ZNF804B: variants seen among roughly 807,000 people sequenced by gnomAD.
The protein encoded by ZNF804B is zinc finger protein 804B, also known as zinc finger 804B.
In ZNF804B, 80 loss-of-function variants were observed where a neutral mutation model predicts 101.4. That is an observed-to-expected ratio of 0.79 (90% CI 0.66 to 0.95). ZNF804B has a LOEUF of 0.95. ZNF804B is among the 40% of genes least tolerant of loss of function. The pLI, the probability that ZNF804B is intolerant of heterozygous loss-of-function variation, is 0.00. For missense variants in ZNF804B, 1,673 were observed against 1,561.9 expected (o/e 1.07, Z -1.20); for synonymous variants, 622 against 558.8 (o/e 1.11, Z -1.59).
intron 1 of ZNF804B, among the ~76,000 whole-genome samples, chr7:89,194,713 T>C (rs13240561): frequency 0.24 from 36,206 of 149,046 alleles, 4,596 homozygotes; most frequent in Non-Finnish European, 0.28. Flanking sequence ...TTGGTTACTG[T>C]AGCCTTGTAG....
intron 1 of ZNF804B, among the ~76,000 whole-genome samples, chr7:88,795,236 T>C (rs887509075): frequency 3.9e-5 from 6 of 152,166 alleles, no homozygotes; most frequent in Admixed American, 3.3e-4. Flanking sequence ...GAAAAAACTT[T>C]GTAAATGTCA....
chr7:89,266,877 T>TTG (rs66604616), intron 2 of ZNF804B, among the ~76,000 whole-genome samples: 26 of 150,984 alleles, frequency 1.7e-4, no homozygotes, highest in African/African-American at 5.4e-4. Flanking sequence ...GTGTCTGTGT[T>TTG]TGTGTGTGTG....
At chr7:89,168,336 C>CTATATATG (rs1468708721) in intron 1 of ZNF804B, among the ~76,000 whole-genome samples, 1 of 148,260 alleles carries the variant, frequency 6.7e-6, no homozygotes, top group Non-Finnish European at 1.5e-5. Flanking sequence ...ATATATATAT[C>CTATATATG]TATATATGTA....
At chr7:88,937,085 A>G (rs1792983298) in intron 1 of ZNF804B, among the ~76,000 whole-genome samples, 2 of 149,888 alleles carry the variant, frequency 1.3e-5, no homozygotes. Context: ...CCCCAAACAC[A>G]TAAATGCTTT....
chr7:89,337,607 A>T lies in ZNF804B; in HGVS notation c.*575A>T, dbSNP rs753371856. Among the ~76,000 whole-genome samples, 65 of 152,286 alleles carry T rather than the reference A, an allele frequency of 4.3e-4. No homozygotes were observed. Among genetic ancestry groups the T allele is most frequent in the Admixed American group, 9.8e-4 (15 of 15,288 alleles). On this transcript the variant is annotated 3_prime_UTR_variant, in exon 4 of 4. Transcript: ENST00000333190. The stretch of plus-strand genomic sequence containing the variant: ...GTTGAAAATTACATTTTAATGAAAA[A>T]CAATCTTTATAGATTATACTTTTGA...
chr7:88,793,878 T>C (rs1206571013), intron 1 of ZNF804B, among the ~76,000 whole-genome samples: 2 of 152,114 alleles, frequency 1.3e-5, no homozygotes, highest in Non-Finnish European at 2.9e-5. Flanking sequence ...TCCGTTTGTC[T>C]TTTTTCAGCC....
At chr7:89,189,338 A>G (rs1374796835) in intron 1 of ZNF804B, among the ~76,000 whole-genome samples, 1 of 152,098 alleles carries the variant, frequency 6.6e-6, no homozygotes, top group Non-Finnish European at 1.5e-5. Context: ...TCTGATGAAG[A>G]TGTATAAGGA....
chr7:88,838,715 ACT>A (rs1423369358), intron 1 of ZNF804B, among the ~76,000 whole-genome samples: 1 of 151,660 alleles, frequency 6.6e-6, no homozygotes, highest in Non-Finnish European at 1.5e-5. Context: ...AACCCTGTAA[ACT>A]CTTTGTGCCT....
intron 2 of ZNF804B, among the ~76,000 whole-genome samples, chr7:89,278,978 C>T (rs981047775): frequency 1.3e-5 from 2 of 152,072 alleles, no homozygotes; most frequent in African/African-American, 4.8e-5. Flanking sequence ...TCTTCCTATC[C>T]ATGAGCATGG....
intron 1 of ZNF804B, among the ~76,000 whole-genome samples, chr7:88,764,336 C>T (rs1026694928): frequency 2.0e-5 from 3 of 152,152 alleles, no homozygotes; most frequent in African/African-American, 7.2e-5. Flanking sequence ...CATAGTTAGA[C>T]ATCCTGGAAT....
intron 1 of ZNF804B, among the ~76,000 whole-genome samples, chr7:89,113,015 T>A (rs964957879): frequency 6.6e-6 from 1 of 152,202 alleles, no homozygotes; most frequent in African/African-American, 2.4e-5. Flanking sequence ...AACATACATA[T>A]AATTTATTGC....
At chr7:88,927,381 G>T (rs1360520474) in intron 1 of ZNF804B, among the ~76,000 whole-genome samples, 1 of 152,136 alleles carries the variant, frequency 6.6e-6, no homozygotes, top group South Asian at 2.1e-4. Flanking sequence ...ATTGTGGTTT[G>T]ATCTGAGAGG....
chr7:88,877,675 A>T (rs1791973679), intron 1 of ZNF804B, among the ~76,000 whole-genome samples: 2 of 152,284 alleles, frequency 1.3e-5, no homozygotes, highest in African/African-American at 2.4e-5. Flanking sequence ...TACCTCATAG[A>T]GTGAGTAGAA....
At chr7:88,885,253 A>G (rs1369389865) in intron 1 of ZNF804B, among the ~76,000 whole-genome samples, 4 of 151,842 alleles carry the variant, frequency 2.6e-5, no homozygotes, top group African/African-American at 9.7e-5. Context: ...TTTGCATAAA[A>G]ATGTCCTTTG....
chr7:88,995,610 T>A (rs1464936099), intron 1 of ZNF804B, among the ~76,000 whole-genome samples: 1 of 151,924 alleles, frequency 6.6e-6, no homozygotes, highest in East Asian at 1.9e-4. Flanking sequence ...GGCTAGAGTC[T>A]GGTTTTATGA....
At chr7:89,242,012 A>G (rs980820071) in intron 2 of ZNF804B, among the ~76,000 whole-genome samples, 3 of 151,732 alleles carry the variant, frequency 2.0e-5, no homozygotes, top group Non-Finnish European at 4.4e-5. Flanking sequence ...GGTCTTCTAC[A>G]AAGCTTGACC....
chr7:89,104,588 C>G (rs1463200803), intron 1 of ZNF804B, among the ~76,000 whole-genome samples: 2 of 151,932 alleles, frequency 1.3e-5, no homozygotes, highest in Admixed American at 1.3e-4. Context: ...GTTGTCATGT[C>G]ACCTTATTTT....
At chr7:89,176,591 C>CTTTTTTTTTTTTTTTTTTTT (rs35866405) in intron 1 of ZNF804B, among the ~76,000 whole-genome samples, 21 of 71,952 alleles carry the variant, frequency 2.9e-4, no homozygotes, top group Non-Finnish European at 4.6e-4. Flanking sequence ...TTCTTTCTTT[C>CTTTTTTTTTTTTTTTTTTTT]TTTTTTTTTT....
chr7:88,927,131 G>GT (rs1204449211), intron 1 of ZNF804B, among the ~76,000 whole-genome samples: 2 of 152,082 alleles, frequency 1.3e-5, no homozygotes, highest in African/African-American at 2.4e-5. Flanking sequence ...TAACAGACAT[G>GT]TTTTTTAGCA....
Sources: allele counts gnomAD v4.1 joint callset (sites outside exome capture counted in the v4.1 genomes callset), GRCh38; gene constraint gnomAD v4.1.1; transcripts MANE v1.5; gene names NCBI Gene and HGNC (gene_info 2026-07-23, HGNC 2026-07-21).